RAPGEF4: variants seen among roughly 807,000 people sequenced by gnomAD.
RAPGEF4 encodes the protein RAP guanine-nucleotide-exchange factor (GEF) 4.
A neutral mutation model predicts 147.9 loss-of-function variants in RAPGEF4; 66 were observed. That is an observed-to-expected ratio of 0.45 (90% CI 0.37 to 0.55). The LOEUF is 0.55. RAPGEF4 is among the 20% of genes least tolerant of loss of function. The pLI is 0.00. For missense variants in RAPGEF4, 1,071 were observed against 1,257.3 expected (o/e 0.85, Z 2.24); for synonymous variants, 419 against 442.7 (o/e 0.95, Z 0.67).
chr2:172,747,626 TG>T (rs1694899779), intron 1 of RAPGEF4, among the ~76,000 whole-genome samples: 1 of 152,138 alleles, frequency 6.6e-6, no homozygotes, highest in Non-Finnish European at 1.5e-5. Context: ...CCACCATGCC[TG>T]GAAAATTTTT....
intron 4 of RAPGEF4, among the ~76,000 whole-genome samples, chr2:172,816,625 A>G (rs16860904): frequency 0.081 from 12,283 of 152,194 alleles, 650 homozygotes; most frequent in East Asian, 0.23. Flanking sequence ...GGACATTGAT[A>G]TGGAGGGCTG....
intron 2 of RAPGEF4, among the ~76,000 whole-genome samples, chr2:172,796,490 C>A (rs1056340061): frequency 6.6e-6 from 1 of 152,086 alleles, no homozygotes; most frequent in African/African-American, 2.4e-5. Flanking sequence ...GAGGCTGAGG[C>A]AGGAGAATTG....
chr2:172,816,010 G>A (rs891773708), intron 4 of RAPGEF4, among the ~76,000 whole-genome samples: 3 of 151,838 alleles, frequency 2.0e-5, no homozygotes, highest in Non-Finnish European at 2.9e-5. Flanking sequence ...CTACTTTATC[G>A]TAAATGATAG....
intron 10 of RAPGEF4, among the ~76,000 whole-genome samples, chr2:172,971,578 T>C (rs1282122582): frequency 6.6e-6 from 1 of 152,216 alleles, no homozygotes; most frequent in Middle Eastern, 3.2e-3. Context: ...CCCTTGGGAT[T>C]TTTCCCATCT....
At chr2:172,895,184 G>A (rs1182557479) in intron 4 of RAPGEF4, among the ~76,000 whole-genome samples, 1 of 152,136 alleles carries the variant, frequency 6.6e-6, no homozygotes, top group Non-Finnish European at 1.5e-5. Context: ...GACAACAGCT[G>A]GATTCTGCTT....
At position 172,990,811 on chromosome 2, in the gene RAPGEF4, A is replaced by T; in HGVS notation, c.1376A>T (p.Asp459Val). ...ATGTGGTGTAATTTGTATTTGCAGG[A>T]CGTGGAGGCGAATACAGTCAGACTT... ...DKEDFNRILR[D>V]VEANTVRLKE... is the part of the protein sequence containing the mutation. The change falls in exon 15 of 31, where the codon GAC becomes GTC. Residue 459 changes from aspartate (D) to valine (V), a missense_variant and splice_region_variant. Asp to Val is a radical substitution (Grantham distance 152). Coordinates refer to ENST00000397081, the MANE Select transcript of RAPGEF4 (RefSeq NM_007023.4). 6.2e-7 allele frequency: 1 copy of T among 1,611,104 alleles called. No homozygotes were observed. The highest frequency in any genetic ancestry group is 1.3e-5 in the African/African-American group (1 of 74,998).
chr2:172,819,346 G>A (rs2149621123), intron 4 of RAPGEF4, among the ~76,000 whole-genome samples: 1 of 151,686 alleles, frequency 6.6e-6, no homozygotes, highest in Non-Finnish European at 1.5e-5. Context: ...TCATTTTCCA[G>A]TAACATTTCA....
rs576262840 is a variant in RAPGEF4, at chr2:172,877,053, C to A, written c.445-40749C>A. ...TGCGTAGAGGTGTTTATAGTATTCT[C>A]TGATATCCCCTTTATCACTTTTGCA... is the stretch of plus-strand genomic sequence containing the variant. On this transcript the variant is annotated intron_variant, in intron 4 of 30. Coordinates refer to ENST00000397081, the MANE Select transcript of RAPGEF4 (RefSeq NM_007023.4). Among the ~76,000 whole-genome samples the A allele has an allele frequency of 4.6e-5, 7 of 152,226 alleles. No homozygotes were observed. In the South Asian group the frequency reaches 1.5e-3, roughly 32 times the overall value.
At chr2:172,961,092 C>A in intron 7 of RAPGEF4, 30 bp from the exon 8 acceptor site, 1 of 1,455,578 alleles carries the variant, frequency 6.9e-7, no homozygotes, top group Non-Finnish European at 9.6e-7. Context: ...CTTCTTTCTC[C>A]TCCCCTCCTT....
rs556728493 is a variant in RAPGEF4, at chr2:173,001,148, T to C, written c.1580-118T>C. On this transcript the variant is annotated intron_variant, in intron 16 of 30. Coordinates refer to ENST00000397081, the MANE Select transcript of RAPGEF4 (RefSeq NM_007023.4). ...TGAAGTGCTTCCATGTAAAGTAAAC[T>C]CATGCCCCAAACCAATGTGTTAGAA... The C allele has an allele frequency of 1.8e-4, 263 of 1,447,606 alleles. 3 individuals are homozygous for C. In the South Asian group the frequency reaches 3.5e-3, roughly 19 times the overall value. 89.7% of individuals were successfully genotyped at this position (1,447,606 alleles called of 1,614,324 possible). A position where few individuals can be genotyped will look rare whatever the true frequency, so the allele number is the denominator to read the frequency against.
At chr2:172,900,062 G>C (rs1216918806) in intron 4 of RAPGEF4, among the ~76,000 whole-genome samples, 1 of 152,188 alleles carries the variant, frequency 6.6e-6, no homozygotes, top group Non-Finnish European at 1.5e-5. Flanking sequence ...CCTGACAGTG[G>C]GGACAGAGTT....
intron 6 of RAPGEF4, among the ~76,000 whole-genome samples, chr2:172,955,223 A>T (rs1291750697): frequency 1.3e-5 from 2 of 152,204 alleles, no homozygotes; most frequent in Non-Finnish European, 2.9e-5. Context: ...ACCTCATTAT[A>T]ATCTACTGGG....
rs549364865 is a variant in RAPGEF4 at position 173,045,614 on chromosome 2, T to C, written c.2854-2986T>C. ...TTGCCGTGGCATTTGTAAACTGTCA[T>C]GGTGCCCGTGGGAGTCTTATGCAAA... On this transcript the variant is annotated intron_variant, in intron 29 of 30. Coordinates refer to ENST00000397081, the MANE Select transcript of RAPGEF4 (RefSeq NM_007023.4). Among the ~76,000 whole-genome samples the C allele has an allele frequency of 1.2e-4, 18 of 152,358 alleles. No homozygotes were observed. The East Asian group carries it at 3.5e-3, about 29-fold the overall frequency.
At chr2:172,983,665 G>A (rs1400959566) in intron 11 of RAPGEF4, 85 bp downstream of exon 11, 1 of 1,527,658 alleles carries the variant, frequency 6.5e-7, no homozygotes, top group South Asian at 1.3e-5. Context: ...CGGTGTTGTG[G>A]GGGGAAAGAA....
intron 29 of RAPGEF4, among the ~76,000 whole-genome samples, chr2:173,040,385 G>C (rs1684614016): frequency 6.6e-6 from 1 of 152,128 alleles, no homozygotes; most frequent in Admixed American, 6.5e-5. Flanking sequence ...GTTACTGTGG[G>C]TCTTGGGAAA....
At chr2:172,864,570 C>T (rs940960622) in intron 4 of RAPGEF4, among the ~76,000 whole-genome samples, 7 of 152,232 alleles carry the variant, frequency 4.6e-5, no homozygotes, top group Non-Finnish European at 1.0e-4. Flanking sequence ...TTCAATCACC[C>T]TCTTGTCCAT....
intron 4 of RAPGEF4, among the ~76,000 whole-genome samples, chr2:172,827,668 AAT>A (rs1689815120): frequency 6.6e-6 from 1 of 152,146 alleles, no homozygotes; most frequent in Non-Finnish European, 1.5e-5. Context: ...CAAGGTACAT[AAT>A]ATCCCTAAAT....
intron 1 of RAPGEF4, among the ~76,000 whole-genome samples, chr2:172,769,296 G>A (rs139481112): frequency 6.6e-6 from 1 of 152,248 alleles, no homozygotes; most frequent in African/African-American, 2.4e-5. Context: ...AGGCCAGATG[G>A]TTGAAGCTTA....
At chr2:172,910,582 C>T (rs1699996955) in intron 4 of RAPGEF4, among the ~76,000 whole-genome samples, 2 of 152,254 alleles carry the variant, frequency 1.3e-5, no homozygotes, top group Admixed American at 1.3e-4. Context: ...TCCACACTGT[C>T]TTGGCCTCAG....
Sources: allele counts gnomAD v4.1 joint callset (sites outside exome capture counted in the v4.1 genomes callset), GRCh38; gene constraint gnomAD v4.1.1; transcripts MANE v1.5; gene names NCBI Gene and HGNC (gene_info 2026-07-23, HGNC 2026-07-21).